Variants in UBE2QL1 observed in about 807,000 individuals in gnomAD.
The protein encoded by UBE2QL1 is ubiquitin conjugating enzyme E2 QL1.
In UBE2QL1, 5 loss-of-function variants were observed where a neutral mutation model predicts 12.6. The observed-to-expected ratio is 0.40, with a 90% CI of 0.21 to 0.83. The LOEUF is 0.83. Ranked by LOEUF, UBE2QL1 falls within the 40% of genes least tolerant of loss-of-function variation. The pLI, the probability that UBE2QL1 is intolerant of heterozygous loss-of-function variation, is 0.37. For missense variants in UBE2QL1, 99 were observed against 222.6 expected (o/e 0.44, Z 3.53); for synonymous variants, 96 against 94.5 (o/e 1.02, Z -0.10).
intron 1 of UBE2QL1, among the ~76,000 whole-genome samples, chr5:6,468,184 T>C (rs564056807): frequency 6.6e-6 from 1 of 152,330 alleles, no homozygotes; most frequent in Admixed American, 6.5e-5. Flanking sequence ...TGTTCCTTTC[T>C]CTCCTTCCTT....
At chr5:6,484,888 C>T (rs1734433997) in intron 1 of UBE2QL1, among the ~76,000 whole-genome samples, 1 of 152,018 alleles carries the variant, frequency 6.6e-6, no homozygotes, top group African/African-American at 2.4e-5. Context: ...ATTAAACTGG[C>T]TCATGTGGCC....
chr5:6,462,953 C>G (rs1299618990), intron 1 of UBE2QL1, among the ~76,000 whole-genome samples: 1 of 152,182 alleles, frequency 6.6e-6, no homozygotes, highest in Non-Finnish European at 1.5e-5. Flanking sequence ...TTGGAGTGAA[C>G]GATAAACGGA....
intron 1 of UBE2QL1, among the ~76,000 whole-genome samples, chr5:6,450,083 C>A (rs1739382515): frequency 8.1e-6 from 1 of 123,554 alleles, no homozygotes; most frequent in South Asian, 3.2e-4. Flanking sequence ...GAGACAAGAC[C>A]AGACCCCCCC....
rs1358973458 is a variant in UBE2QL1 at position 6,487,090 on chromosome 5, T to C, written c.355-4128T>C. Among the ~76,000 whole-genome samples, 3 of 152,280 alleles carry C rather than the reference T, an allele frequency of 2.0e-5. No homozygotes were observed. In the East Asian group the frequency reaches 5.8e-4, roughly 29 times the overall value. ...CTTGTTTGACCCAGCACCTAACACA[T>C]TGAATGAATGCATAAATGAATGAAT... On this transcript the variant is annotated intron_variant, in intron 1 of 1. Coordinates refer to ENST00000399816, the MANE Select transcript of UBE2QL1 (RefSeq NM_001145161.3).
chr5:6,449,311 G>A, intron 1 of UBE2QL1, 64 bp downstream of exon 1: 1 of 1,291,930 alleles, frequency 7.7e-7, no homozygotes, highest in South Asian at 2.5e-5. Context: ...GCCGCCGGGC[G>A]CCCGGGCCCC....
intron 1 of UBE2QL1, among the ~76,000 whole-genome samples, chr5:6,466,971 T>C (rs1482861278): frequency 2.0e-5 from 3 of 152,236 alleles, no homozygotes; most frequent in African/African-American, 7.2e-5. Flanking sequence ...CTCACTGTTC[T>C]GGGCCTGGGA....
Position 6,478,567 on chromosome 5 carries a change from A to AT in UBE2QL1, c.355-12649dup, listed in dbSNP as rs1160168824. Among the ~76,000 whole-genome samples, 71 of 151,220 alleles carry AT rather than the reference A, an allele frequency of 4.7e-4. 1 individual carries two copies. Among genetic ancestry groups the AT allele is most frequent in the Admixed American group, 4.7e-3 (71 of 15,220 alleles). On this transcript the variant is annotated intron_variant, in intron 1 of 1. Transcript: ENST00000399816. The surrounding 1 kb of genome is among the most constrained non-coding windows in gnomAD (Gnocchi z 4.5). The stretch of plus-strand genomic sequence containing the variant: ...TGGCTGCCTCTGTTTTGACAAATTC[A>AT]TTCCCAGGCTCTGATTCCTGTCACA...
At chr5:6,471,175 T>C (rs1055371966) in intron 1 of UBE2QL1, among the ~76,000 whole-genome samples, 1 of 152,234 alleles carries the variant, frequency 6.6e-6, no homozygotes, top group Non-Finnish European at 1.5e-5. Context: ...ATTTATCTTA[T>C]TATCTTTAGG....
intron 1 of UBE2QL1, among the ~76,000 whole-genome samples, chr5:6,468,505 G>C (rs575293276): frequency 3.9e-5 from 6 of 152,188 alleles, no homozygotes; most frequent in African/African-American, 1.4e-4. Context: ...TCAAACAGCC[G>C]CCTGGAGCAT....
rs565780201 is a variant in UBE2QL1, at chr5:6,465,005, T to G, written c.354+15758T>G. Among the ~76,000 whole-genome samples the G allele has an allele frequency of 1.4e-3, 216 of 151,088 alleles. 2 individuals carry two copies. The East Asian group carries it at 0.022, about 15-fold the overall frequency. On this transcript the variant is annotated intron_variant, in intron 1 of 1. Transcript: ENST00000399816. ...AGTTTTTATTCTTTTTTTTTTTTTT[T>G]GAGACTGAGTCTCACTCTGCCAACC... is the stretch of plus-strand genomic sequence containing the variant.
intron 1 of UBE2QL1, among the ~76,000 whole-genome samples, chr5:6,460,899 A>G (rs1468452523): frequency 6.6e-6 from 1 of 152,210 alleles, no homozygotes; most frequent in Admixed American, 6.5e-5. Context: ...CTTGGCTACC[A>G]TTTTGTTTCA....
intron 1 of UBE2QL1, among the ~76,000 whole-genome samples, chr5:6,451,625 A>G (rs1739413578): frequency 6.6e-6 from 1 of 152,168 alleles, no homozygotes. Context: ...ATTTCTTTGC[A>G]TTTTTTCATG....
chr5:6,465,616 T>C (rs272480), intron 1 of UBE2QL1, among the ~76,000 whole-genome samples: 4 of 152,142 alleles, frequency 2.6e-5, no homozygotes, highest in South Asian at 2.1e-4. Flanking sequence ...CAGGGACTCT[T>C]GGGGGGGCTC....
chr5:6,449,272 G>T, intron 1 of UBE2QL1, 25 bp downstream of exon 1: 3 of 1,356,194 alleles, frequency 2.2e-6, no homozygotes, highest in Non-Finnish European at 2.8e-6. Flanking sequence ...CCGGGGCTGG[G>T]GGCGCGGGGC....
At chr5:6,489,574 T>A (rs1734526569) in intron 1 of UBE2QL1, among the ~76,000 whole-genome samples, 1 of 152,248 alleles carries the variant, frequency 6.6e-6, no homozygotes, top group Admixed American at 6.5e-5. Flanking sequence ...TGGATTGGCC[T>A]GTGTGTCCAC....
At chr5:6,457,183 C>T (rs1009710624) in intron 1 of UBE2QL1, among the ~76,000 whole-genome samples, 20 of 151,938 alleles carry the variant, frequency 1.3e-4, no homozygotes, top group Non-Finnish European at 2.4e-4. Flanking sequence ...TTCCTGCATC[C>T]GCCACAGCCC....
At chr5:6,467,729 G>T (rs561677057) in intron 1 of UBE2QL1, among the ~76,000 whole-genome samples, 2 of 152,062 alleles carry the variant, frequency 1.3e-5, no homozygotes, top group South Asian at 2.1e-4. Context: ...TGTCTTTGCC[G>T]GGGGTCTCTG....
rs558917018 is a variant in UBE2QL1, at chr5:6,487,925, G to A, written c.355-3293G>A. Among the ~76,000 whole-genome samples, 42 of 152,344 alleles carry A rather than the reference G, an allele frequency of 2.8e-4. No individual in the cohort carries two copies. In the East Asian group the frequency reaches 7.3e-3, roughly 27 times the overall value. Reference sequence around the variant, plus strand: ...CACAGCAAGGGCATGTCAGAAAAACGGCTCTGTGACCCTGGCAGAGCCAGG... The same window carrying A: ...CACAGCAAGGGCATGTCAGAAAAACAGCTCTGTGACCCTGGCAGAGCCAGG... On this transcript the variant is annotated intron_variant, in intron 1 of 1. Coordinates refer to ENST00000399816, the MANE Select transcript of UBE2QL1 (RefSeq NM_001145161.3).
At chr5:6,460,219 C>G (rs755528908) in intron 1 of UBE2QL1, among the ~76,000 whole-genome samples, 38 of 152,154 alleles carry the variant, frequency 2.5e-4, no homozygotes, top group Non-Finnish European at 4.9e-4. Context: ...GATGCCTCCC[C>G]TAAAGGCAAG....
Sources: allele counts gnomAD v4.1 joint callset (sites outside exome capture counted in the v4.1 genomes callset), GRCh38; gene constraint gnomAD v4.1.1; non-coding constraint Gnocchi (gnomAD v3.1); transcripts MANE v1.5; gene names NCBI Gene and HGNC (gene_info 2026-07-23, HGNC 2026-07-21).